The following B3GALT1 variants were observed in gnomAD, a reference collection of about 807,000 sequenced individuals.
B3GALT1 encodes UDP-Gal:betaGlcNAc beta 1,3-galactosyltransferase, polypeptide 1.
In B3GALT1, 10 loss-of-function variants were observed where a neutral mutation model predicts 23.2. That is an observed-to-expected ratio of 0.43 (90% CI 0.27 to 0.73). The LOEUF (loss-of-function observed/expected upper bound fraction) is 0.73. Among genes scored for constraint, B3GALT1 ranks in the 30% least tolerant of loss-of-function variants. The probability of loss-of-function intolerance (pLI) is 0.21; values close to 1 mark genes in which losing one functional copy is unlikely to be tolerated. For synonymous variants in B3GALT1, 156 were observed against 141.5 expected (o/e 1.10, Z -0.73); for missense variants, 299 against 405.4 (o/e 0.74, Z 2.25).
intron 2 of B3GALT1, among the ~76,000 whole-genome samples, chr2:167,528,731 G>A (rs925518377): frequency 6.6e-6 from 1 of 152,122 alleles, no homozygotes; most frequent in Non-Finnish European, 1.5e-5. Context: ...AGTAATGGGA[G>A]GATACAGAAA....
chr2:167,701,734 GCTAT>G (rs1172887817), intron 3 of B3GALT1, among the ~76,000 whole-genome samples: 4 of 152,166 alleles, frequency 2.6e-5, no homozygotes, highest in Non-Finnish European at 5.9e-5. Context: ...AGTATGGAAG[GCTAT>G]CTTTTTCTTT....
intron 2 of B3GALT1, among the ~76,000 whole-genome samples, chr2:167,619,365 A>G (rs983469860): frequency 6.6e-6 from 1 of 151,960 alleles, no homozygotes; most frequent in Non-Finnish European, 1.5e-5. Context: ...TGTATATATT[A>G]ATTTATATAA....
chr2:167,860,943 G>C (rs1690088053), intron 4 of B3GALT1, among the ~76,000 whole-genome samples: 1 of 150,344 alleles, frequency 6.7e-6, no homozygotes, highest in Non-Finnish European at 1.5e-5. Flanking sequence ...TTCTTTGAAT[G>C]CTAATTACAA....
chr2:167,423,803 C>T (rs1217569598), intron 1 of B3GALT1, among the ~76,000 whole-genome samples: 1 of 152,082 alleles, frequency 6.6e-6, no homozygotes, highest in Non-Finnish European at 1.5e-5. Context: ...GCAATGAAAA[C>T]CTCTAGAATA....
intron 2 of B3GALT1, among the ~76,000 whole-genome samples, chr2:167,500,372 A>G (rs759021115): frequency 2.6e-5 from 4 of 152,182 alleles, no homozygotes; most frequent in Non-Finnish European, 4.4e-5. Flanking sequence ...CTTCTAAAAC[A>G]TGGGTTCAAT....
intron 1 of B3GALT1, among the ~76,000 whole-genome samples, chr2:167,301,170 T>G (rs527993351): frequency 1.1e-4 from 17 of 152,224 alleles, no homozygotes; most frequent in South Asian, 2.1e-4. Context: ...ACTCCTAAAC[T>G]TCTGGTAAGA....
rs112187761 is a variant in B3GALT1, at chr2:167,491,581, G to A, written c.-410+1304G>A. On this transcript the variant is annotated intron_variant, in intron 2 of 4. Transcript: ENST00000392690. ...TGTAATCCCAGCACTTTGGGAGGCC[G>A]AGGCGGGCAGATCACGAGGTCAGGA... 6.5e-3 allele frequency among the ~76,000 whole-genome samples: 981 copies of A among 150,928 alleles called. 11 individuals are homozygous for A. Among genetic ancestry groups the A allele is most frequent in the African/African-American group, 0.021 (882 of 41,106 alleles).
intron 1 of B3GALT1, among the ~76,000 whole-genome samples, chr2:167,479,082 AAATAAATAAAT>A (rs1574096268): frequency 6.6e-6 from 1 of 151,886 alleles, no homozygotes. Context: ...ATAAATAAGT[AAATAAATAAAT>A]AATAAATAAA....
intron 1 of B3GALT1, among the ~76,000 whole-genome samples, chr2:167,469,777 G>T (rs1052330359): frequency 5.3e-5 from 8 of 151,920 alleles, no homozygotes; most frequent in African/African-American, 1.9e-4. Flanking sequence ...ATGTCTTTAG[G>T]TATAACATGT....
chr2:167,318,934 C>T (rs1274489834), intron 1 of B3GALT1, among the ~76,000 whole-genome samples: 3 of 152,128 alleles, frequency 2.0e-5, no homozygotes, highest in Non-Finnish European at 4.4e-5. Context: ...CCTGCAGGGG[C>T]CCATTCCCTG....
intron 3 of B3GALT1, among the ~76,000 whole-genome samples, chr2:167,775,454 A>C (rs1301571788): frequency 6.6e-6 from 1 of 151,912 alleles, no homozygotes; most frequent in East Asian, 1.9e-4. Context: ...CTGTAGTCCC[A>C]GCTATTCGGG....
chr2:167,628,484 C>T (rs971047289), intron 2 of B3GALT1, among the ~76,000 whole-genome samples: 1 of 151,710 alleles, frequency 6.6e-6, no homozygotes, highest in Non-Finnish European at 1.5e-5. Flanking sequence ...TTTTAAGATA[C>T]AAACTTTGAA....
intron 3 of B3GALT1, among the ~76,000 whole-genome samples, chr2:167,763,637 C>T (rs1033729300): frequency 2.2e-4 from 32 of 148,288 alleles, no homozygotes; most frequent in Admixed American, 6.1e-4. Context: ...GTTGCAGCGA[C>T]CCGAGATTGC....
chr2:167,577,940 T>C (rs995918748), intron 2 of B3GALT1, among the ~76,000 whole-genome samples: 2 of 151,988 alleles, frequency 1.3e-5, no homozygotes, highest in Non-Finnish European at 1.5e-5. Flanking sequence ...GTAGTCCTAT[T>C]AGACACTTAA....
At chr2:167,502,274 A>T (rs1303963264) in intron 2 of B3GALT1, among the ~76,000 whole-genome samples, 1 of 152,216 alleles carries the variant, frequency 6.6e-6, no homozygotes, top group Non-Finnish European at 1.5e-5. Flanking sequence ...TGACATAGTC[A>T]GAGGGGTGAC....
intron 2 of B3GALT1, among the ~76,000 whole-genome samples, chr2:167,579,340 A>C (rs1350250244): frequency 6.6e-6 from 1 of 151,602 alleles, no homozygotes; most frequent in Non-Finnish European, 1.5e-5. Context: ...TATAATAACC[A>C]GAAATACCTG....
At chr2:167,790,920 C>T (rs541080544) in intron 3 of B3GALT1, among the ~76,000 whole-genome samples, 3 of 152,102 alleles carry the variant, frequency 2.0e-5, no homozygotes, top group Non-Finnish European at 1.5e-5. Context: ...TTAAACAAGG[C>T]GCTTCCCTTT....
At chr2:167,496,957 T>C (rs564597472) in intron 2 of B3GALT1, among the ~76,000 whole-genome samples, 2 of 152,246 alleles carry the variant, frequency 1.3e-5, no homozygotes, top group South Asian at 2.1e-4. Context: ...GATAGTTAAA[T>C]GATGAGTTAA....
rs115719528 is a variant in B3GALT1 at position 167,505,267 on chromosome 2, C to G, written c.-410+14990C>G. On this transcript the variant is annotated intron_variant, in intron 2 of 4. Transcript: ENST00000392690. Reference sequence around the variant, plus strand: ...ACTTTGTATCTTCTAAATTTTGAACCATGTGGATGTCTTAACTATTAAAAA... The same window carrying G: ...ACTTTGTATCTTCTAAATTTTGAACGATGTGGATGTCTTAACTATTAAAAA... Among the ~76,000 whole-genome samples, 553 of 152,170 alleles carry G rather than the reference C, an allele frequency of 3.6e-3. 1 individual carries two copies. The highest frequency in any genetic ancestry group is 0.01 in the African/African-American group (429 of 41,512).
Sources: allele counts gnomAD v4.1 joint callset (sites outside exome capture counted in the v4.1 genomes callset), GRCh38; gene constraint gnomAD v4.1.1; transcripts MANE v1.5; gene names NCBI Gene and HGNC (gene_info 2026-07-23, HGNC 2026-07-21).